Variants in PTPRK observed in about 807,000 individuals in gnomAD.
PTPRK encodes the protein receptor-type tyrosine-protein phosphatase kappa.
A neutral mutation model predicts 178.0 loss-of-function variants in PTPRK; 75 were observed. The observed-to-expected ratio is 0.42, with a 90% CI of 0.35 to 0.51. PTPRK has a LOEUF of 0.51. Among genes scored for constraint, PTPRK ranks in the 20% least tolerant of loss-of-function variants. The probability of loss-of-function intolerance (pLI) is 0.02; values close to 1 mark genes in which losing one functional copy is unlikely to be tolerated. For synonymous variants in PTPRK, 637 were observed against 620.6 expected (o/e 1.03, Z -0.39); for missense variants, 1,441 against 1,797.8 (o/e 0.80, Z 3.59).
chr6:128,384,841 A>G (rs2128359315), intron 2 of PTPRK, among the ~76,000 whole-genome samples: 1 of 151,982 alleles, frequency 6.6e-6, no homozygotes, highest in South Asian at 2.1e-4. Context: ...AAAATAACAA[A>G]TTGATCTTAG....
chr6:128,391,262 T>C (rs1199772124), intron 2 of PTPRK, among the ~76,000 whole-genome samples: 1 of 152,144 alleles, frequency 6.6e-6, no homozygotes, highest in Non-Finnish European at 1.5e-5. Flanking sequence ...GGTTTTCCCA[T>C]CTACGTTAAT....
At chr6:128,464,817 T>A in intron 1 of PTPRK, among the ~76,000 whole-genome samples, 1 of 144,530 alleles carries the variant, frequency 6.9e-6, no homozygotes, top group Non-Finnish European at 1.5e-5. Flanking sequence ...TAGAAGAAAA[T>A]AAAATAAGAT....
intron 6 of PTPRK, among the ~76,000 whole-genome samples, chr6:128,201,998 G>A (rs890276824): frequency 6.6e-6 from 1 of 152,134 alleles, no homozygotes. Flanking sequence ...ATTAGTTGGA[G>A]TATCACTACC....
chr6:128,327,585 C>T (rs1242075182), intron 2 of PTPRK, among the ~76,000 whole-genome samples: 1 of 152,088 alleles, frequency 6.6e-6, no homozygotes, highest in African/African-American at 2.4e-5. Context: ...TTCTGGCCCC[C>T]AATTATACAT....
intron 2 of PTPRK, among the ~76,000 whole-genome samples, chr6:128,341,987 T>C (rs1018756829): frequency 6.6e-6 from 1 of 152,206 alleles, no homozygotes; most frequent in African/African-American, 2.4e-5. Flanking sequence ...TCGCAGTGGC[T>C]CACGCCTGTA....
At chr6:128,342,466 A>G (rs887365152) in intron 2 of PTPRK, among the ~76,000 whole-genome samples, 5 of 152,146 alleles carry the variant, frequency 3.3e-5, no homozygotes, top group African/African-American at 7.2e-5. Context: ...GAGATGGTCA[A>G]TTGTAATTGC....
chr6:128,060,341 T>A (rs553922694), intron 13 of PTPRK, among the ~76,000 whole-genome samples: 6 of 152,322 alleles, frequency 3.9e-5, no homozygotes, highest in Admixed American at 2.0e-4. Context: ...GAGTTTCTCA[T>A]TAGCAAAACA....
intron 5 of PTPRK, among the ~76,000 whole-genome samples, chr6:128,221,981 T>A (rs1356991421): frequency 1.3e-5 from 2 of 152,170 alleles, no homozygotes; most frequent in East Asian, 3.9e-4. Context: ...CCACGCTGCT[T>A]ACTTTTGTTA....
At chr6:128,102,759 C>G (rs1006059894) in intron 7 of PTPRK, among the ~76,000 whole-genome samples, 1 of 152,170 alleles carries the variant, frequency 6.6e-6, no homozygotes. Flanking sequence ...ATGAGTATCT[C>G]AAACAAAATC....
intron 13 of PTPRK, among the ~76,000 whole-genome samples, chr6:128,032,774 G>T (rs78534406): frequency 1.3e-5 from 2 of 152,096 alleles, no homozygotes; most frequent in African/African-American, 4.8e-5. Flanking sequence ...AGTAGCACCT[G>T]TCACAGACAC....
At chr6:128,113,054 T>G (rs1421576323) in intron 7 of PTPRK, among the ~76,000 whole-genome samples, 1 of 152,120 alleles carries the variant, frequency 6.6e-6, no homozygotes, top group African/African-American at 2.4e-5. Flanking sequence ...TTTGTTACTC[T>G]GAAATTATCC....
intron 7 of PTPRK, among the ~76,000 whole-genome samples, chr6:128,116,463 A>G (rs1269917218): frequency 6.6e-6 from 1 of 152,178 alleles, no homozygotes; most frequent in Non-Finnish European, 1.5e-5. Flanking sequence ...TCTTCACAAA[A>G]TTTTTTCAAC....
At chr6:128,217,406 G>A (rs572029536) in intron 6 of PTPRK, among the ~76,000 whole-genome samples, 2 of 152,148 alleles carry the variant, frequency 1.3e-5, no homozygotes, top group South Asian at 4.2e-4. Context: ...GAGGTTGATC[G>A]CATCATCCAA....
At chr6:128,516,972 A>T (rs11154439) in intron 1 of PTPRK, among the ~76,000 whole-genome samples, 18,951 of 151,430 alleles carry the variant, frequency 0.13, 1,321 homozygotes, top group African/African-American at 0.16. Flanking sequence ...ATAATCGATC[A>T]TTGTGCTGAC....
At chr6:128,184,866 A>G in intron 6 of PTPRK, 141 bp from the exon 7 acceptor site, 1 of 868,244 alleles carries the variant, frequency 1.2e-6, no homozygotes, top group Non-Finnish European at 1.7e-6. Context: ...TAGAAGACGC[A>G]TGATCTGACA....
At chr6:128,227,990 G>A (rs988806398) in intron 5 of PTPRK, among the ~76,000 whole-genome samples, 1 of 152,002 alleles carries the variant, frequency 6.6e-6, no homozygotes, top group Non-Finnish European at 1.5e-5. Context: ...CTAGGGGAGA[G>A]AGAACATTAG....
At position 128,452,463 on chromosome 6, in the gene PTPRK, T is replaced by A. The variant is rs183980319; in HGVS notation, c.101-54775A>T. Among the ~76,000 whole-genome samples the A allele has an allele frequency of 9.4e-4, 143 of 152,302 alleles. 1 individual carries two copies. Among genetic ancestry groups the A allele is most frequent in the African/African-American group, 3.3e-3 (139 of 41,562 alleles). The stretch of plus-strand genomic sequence containing the variant: ...CAAATATTTTGATATGGTAAAATTA[T>A]ATACCTATACAACCTAAGCTTCAAT... On this transcript the variant is annotated intron_variant, in intron 1 of 29. Coordinates refer to ENST00000368226, the MANE Select transcript of PTPRK (RefSeq NM_002844.4).
At chr6:128,157,519 G>T (rs1225436619) in intron 7 of PTPRK, among the ~76,000 whole-genome samples, 2 of 151,884 alleles carry the variant, frequency 1.3e-5, no homozygotes, top group Non-Finnish European at 2.9e-5. Flanking sequence ...GCTTGTGAAT[G>T]GTTAAAAACA....
At chr6:128,493,000 T>A (rs923458734) in intron 1 of PTPRK, among the ~76,000 whole-genome samples, 1 of 152,162 alleles carries the variant, frequency 6.6e-6, no homozygotes, top group African/African-American at 2.4e-5. Flanking sequence ...TGGTGTCCCA[T>A]GTGCCACCAA....
Sources: gnomAD v4.1 joint callset for allele counts (sites outside exome capture counted in the v4.1 genomes callset) on GRCh38, gnomAD v4.1.1 for gene constraint, MANE v1.5 for transcripts, NCBI Gene and HGNC (gene_info 2026-07-23, HGNC 2026-07-21) for gene names.